KCNJ12: variants seen among roughly 807,000 people sequenced by gnomAD.
The protein encoded by KCNJ12 is potassium inwardly rectifying channel subfamily J member 12, also known as ATP-sensitive inward rectifier potassium channel 12.
KCNJ12 carries 2 observed loss-of-function variants against 22.3 expected under a neutral mutation model. That is an observed-to-expected ratio of 0.09 (90% CI 0.04 to 0.28). The LOEUF (loss-of-function observed/expected upper bound fraction) is 0.28. Ranked by LOEUF, KCNJ12 falls within the 10% of genes least tolerant of loss-of-function variation. The pLI is 1.00. For missense variants in KCNJ12, 155 were observed against 633.3 expected (o/e 0.24, Z 8.11); for synonymous variants, 117 against 261.4 (o/e 0.45, Z 5.33).
Position 21,398,743 on chromosome 17 carries a change from C to A in KCNJ12, c.-178-9776C>A, listed in dbSNP as rs565475851. 1.0e-3 allele frequency among the ~76,000 whole-genome samples: 157 copies of A among 152,356 alleles called. 1 individual carries two copies. The highest frequency in any genetic ancestry group is 1.0e-3 in the Non-Finnish European group (69 of 68,038). On this transcript the variant is annotated intron_variant, in intron 1 of 2. Transcript: ENST00000583088. ...GGACTAGAATAGAACACACCCTTATCCTAGGTCGTGTATCGGTGTACACAT... is the reference window on the plus strand; with the variant it reads ...GGACTAGAATAGAACACACCCTTATACTAGGTCGTGTATCGGTGTACACAT...
intron 1 of KCNJ12, among the ~76,000 whole-genome samples, chr17:21,396,846 G>T (rs1451679909): frequency 6.6e-6 from 1 of 152,218 alleles, no homozygotes; most frequent in African/African-American, 2.4e-5. Context: ...CGTGGGGACG[G>T]ACTGTGCAGA....
intron 1 of KCNJ12, among the ~76,000 whole-genome samples, chr17:21,400,685 C>G (rs62050824): frequency 0.19 from 27,373 of 140,514 alleles, no homozygotes; most frequent in African/African-American, 0.26. Flanking sequence ...TCCCTCTGAT[C>G]CAGCGTGCTG....
intron 1 of KCNJ12, among the ~76,000 whole-genome samples, chr17:21,398,091 ATGTGTGTGTGTG>A (rs58836229): frequency 2.7e-5 from 4 of 146,836 alleles, no homozygotes; most frequent in Admixed American, 6.8e-5. Context: ...ACGTGTGTGT[ATGTGTGTGTGTG>A]TGTGTGTGTG....
At position 21,416,538 on chromosome 17, in the gene KCNJ12, G is replaced by T. The variant is rs782746237; in HGVS notation, c.1196G>T (p.Arg399Leu). The part of the protein sequence containing the change: ...EDEADGDQDG[R>L]SRDGLSPQAR... Reference sequence around the variant, plus strand: ...GAGGCGGACGGAGACCAGGACGGCCGAAGCCGGGACGGCCTCAGCCCCCAG... The same window carrying T: ...GAGGCGGACGGAGACCAGGACGGCCTAAGCCGGGACGGCCTCAGCCCCCAG... Residue 399 changes from arginine to leucine, a missense_variant, in exon 3 of 3, where the codon CGA becomes CTA. Physicochemically the swap from Arg to Leu is moderately radical, Grantham distance 102 (BLOSUM62 -2). Coordinates refer to ENST00000583088, the MANE Select transcript of KCNJ12 (RefSeq NM_021012.5). The T allele has an allele frequency of 6.2e-7, 1 of 1,609,458 alleles. No homozygotes were observed. The highest frequency in any genetic ancestry group is 1.1e-5 in the South Asian group (1 of 90,986).
chr17:21,382,976 T>C (rs782635080), intron 1 of KCNJ12, among the ~76,000 whole-genome samples: 5 of 150,552 alleles, frequency 3.3e-5, no homozygotes, highest in East Asian at 4.0e-4. Flanking sequence ...CAGCCGGAGG[T>C]CACACAGTTC....
In KCNJ12 at chr17:21,418,452, G is replaced by A. The variant is rs1405087945; in HGVS notation, c.*1808G>A. 7 of 166,568 alleles carry A rather than the reference G, an allele frequency of 4.2e-5. No homozygotes were observed. Among genetic ancestry groups the A allele is most frequent in the African/African-American group, 1.7e-4 (7 of 41,460 alleles). 10.3% of individuals were successfully genotyped at this position (166,568 alleles called of 1,614,324 possible). A position where few individuals can be genotyped will look rare whatever the true frequency, so the allele number is the denominator to read the frequency against. ...GTGGGTGGGGTGCAGGAGACAGAGAGGGGCTGGGGGCGTGGGGTGGGGGTG... is the reference window on the plus strand; with the variant it reads ...GTGGGTGGGGTGCAGGAGACAGAGAAGGGCTGGGGGCGTGGGGTGGGGGTG... On this transcript the variant is annotated 3_prime_UTR_variant, in exon 3 of 3. Coordinates refer to ENST00000583088, the MANE Select transcript of KCNJ12 (RefSeq NM_021012.5).
At chr17:21,401,764 T>A (rs2142062785) in intron 1 of KCNJ12, among the ~76,000 whole-genome samples, 1 of 152,298 alleles carries the variant, frequency 6.6e-6, no homozygotes, top group East Asian at 1.9e-4. Context: ...ATCCCTTAAC[T>A]TCCCCCAGGG....
chr17:21,389,165 C>G (rs1905146829), intron 1 of KCNJ12, among the ~76,000 whole-genome samples: 1 of 152,200 alleles, frequency 6.6e-6, no homozygotes, highest in Non-Finnish European at 1.5e-5. Context: ...GGGTCTGAGT[C>G]CTGCTATTCA....
intron 1 of KCNJ12, among the ~76,000 whole-genome samples, chr17:21,390,508 G>A (rs531532724): frequency 2.6e-5 from 4 of 152,354 alleles, no homozygotes; most frequent in East Asian, 3.9e-4. Context: ...TCCAAGGGAA[G>A]CGGGGCCGGT....
intron 1 of KCNJ12, among the ~76,000 whole-genome samples, chr17:21,389,083 C>A (rs1905144954): frequency 6.6e-6 from 1 of 152,188 alleles, no homozygotes; most frequent in Admixed American, 6.5e-5. Flanking sequence ...CCAAATTTAC[C>A]CCATTTAAAC....
At chr17:21,393,284 C>T (rs1905254394) in intron 1 of KCNJ12, among the ~76,000 whole-genome samples, 1 of 152,098 alleles carries the variant, frequency 6.6e-6, no homozygotes, top group South Asian at 2.1e-4. Context: ...CTTTTTTGAG[C>T]CACAGTAGAG....
chr17:21,390,874 T>C (rs1434906194), intron 1 of KCNJ12, among the ~76,000 whole-genome samples: 13 of 152,224 alleles, frequency 8.5e-5, no homozygotes, highest in African/African-American at 3.1e-4. Context: ...TGGTATTTAG[T>C]GCATTCACAC....
At chr17:21,410,044 C>T (rs530515426) in intron 2 of KCNJ12, among the ~76,000 whole-genome samples, 50 of 152,312 alleles carry the variant, frequency 3.3e-4, no homozygotes, top group Non-Finnish European at 5.4e-4. Flanking sequence ...CTCCCCTCCA[C>T]ACCAGCCTGG....
At chr17:21,398,867 C>G (rs145943453) in intron 1 of KCNJ12, among the ~76,000 whole-genome samples, 1 of 152,362 alleles carries the variant, frequency 6.6e-6, no homozygotes, top group African/African-American at 2.4e-5. Context: ...GCACATAGCA[C>G]TGTATGCTGG....
intron 1 of KCNJ12, among the ~76,000 whole-genome samples, chr17:21,379,590 C>T (rs868918220): frequency 2.0e-5 from 3 of 152,266 alleles, no homozygotes; most frequent in Middle Eastern, 3.4e-3. Flanking sequence ...GGGCAGCTTG[C>T]GGGCAGCAGG....
At chr17:21,387,789 A>G (rs1246033232) in intron 1 of KCNJ12, among the ~76,000 whole-genome samples, 1 of 152,154 alleles carries the variant, frequency 6.6e-6, no homozygotes, top group African/African-American at 2.4e-5. Context: ...GCTGTCAGTG[A>G]TGTAATGCTG....
At chr17:21,398,957 G>A (rs1486196525) in intron 1 of KCNJ12, among the ~76,000 whole-genome samples, 1 of 152,246 alleles carries the variant, frequency 6.6e-6, no homozygotes, top group Non-Finnish European at 1.5e-5. Context: ...CACAGATGTG[G>A]AAACTGAGGC....
intron 1 of KCNJ12, among the ~76,000 whole-genome samples, chr17:21,406,100 T>C (rs79636850): frequency 2.6e-5 from 4 of 152,384 alleles, no homozygotes; most frequent in South Asian, 2.1e-4. Context: ...CTGCTTGGCT[T>C]CCCATGGCCC....
intron 1 of KCNJ12, among the ~76,000 whole-genome samples, chr17:21,399,208 G>A (rs952770747): frequency 4.6e-5 from 7 of 152,174 alleles, no homozygotes; most frequent in Admixed American, 1.3e-4. Flanking sequence ...GTGTGCATGC[G>A]CCCTTCCCAG....
Sources: gnomAD v4.1 joint callset for allele counts (sites outside exome capture counted in the v4.1 genomes callset) on GRCh38, gnomAD v4.1.1 for gene constraint, MANE v1.5 for transcripts, NCBI Gene and HGNC (gene_info 2026-07-23, HGNC 2026-07-21) for gene names.